CDC14A: variants seen among roughly 807,000 people sequenced by gnomAD.
The protein encoded by CDC14A is cell division cycle 14A.
A neutral mutation model predicts 74.4 loss-of-function variants in CDC14A; 53 were observed. The ratio of observed to expected loss-of-function variants is 0.71; its 90% CI spans 0.57 to 0.89. The LOEUF is 0.89. CDC14A is among the 40% of genes least tolerant of loss of function. The pLI is 0.00. For synonymous variants in CDC14A, 247 were observed against 258.4 expected (o/e 0.96, Z 0.43); for missense variants, 646 against 713.7 (o/e 0.91, Z 1.08).
intron 4 of CDC14A, among the ~76,000 whole-genome samples, chr1:100,396,242 C>CT (rs1658458858): frequency 6.6e-6 from 1 of 152,112 alleles, no homozygotes; most frequent in African/African-American, 2.4e-5. Flanking sequence ...AGTCTAGGGC[C>CT]TAGGGGGTGG....
chr1:100,456,978 T>C (rs1043010830), intron 8 of CDC14A, among the ~76,000 whole-genome samples: 1 of 152,216 alleles, frequency 6.6e-6, no homozygotes, highest in Non-Finnish European at 1.5e-5. Context: ...GAATTACATG[T>C]TGAGAGCCTG....
Position 100,427,107 on chromosome 1 carries a change from A to G in CDC14A, c.389+2806A>G, listed in dbSNP as rs577909888. 1.8e-4 allele frequency among the ~76,000 whole-genome samples: 27 copies of G among 152,268 alleles called. No homozygotes were observed. The East Asian group carries it at 2.5e-3, about 14-fold the overall frequency. On this transcript the variant is annotated intron_variant, in intron 5 of 15. Coordinates refer to ENST00000336454, the MANE Select transcript of CDC14A (RefSeq NM_003672.4). ...AGCCATCATTGCGTTGGCCTTCATT[A>G]TAATCTGGGTTTTATTATCACCAGG...
At chr1:100,380,762 T>C (rs1165705682) in intron 3 of CDC14A, among the ~76,000 whole-genome samples, 1 of 152,228 alleles carries the variant, frequency 6.6e-6, no homozygotes, top group Non-Finnish European at 1.5e-5. Context: ...GATGATTTCA[T>C]GCACTAATTT....
chr1:100,417,150 C>T (rs1169989216), intron 4 of CDC14A, among the ~76,000 whole-genome samples: 1 of 152,164 alleles, frequency 6.6e-6, no homozygotes, highest in African/African-American at 2.4e-5. Context: ...AAGGCAGGGG[C>T]CTGATCTTAT....
chr1:100,512,477 A>C (rs977225984), intron 15 of CDC14A, among the ~76,000 whole-genome samples: 26 of 152,086 alleles, frequency 1.7e-4, no homozygotes, highest in African/African-American at 6.0e-4. Context: ...TTTTCTAGAA[A>C]TGTGGCTTTA....
chr1:100,518,137 A>G, intron 15 of CDC14A, 114 bp from the exon 16 acceptor site: 1 of 701,074 alleles, frequency 1.4e-6, no homozygotes, highest in Non-Finnish European at 2.5e-6. Context: ...GTTTTGGCTT[A>G]GTTTATTTCA....
intron 3 of CDC14A, among the ~76,000 whole-genome samples, chr1:100,388,646 G>T (rs1256340266): frequency 6.6e-6 from 1 of 152,042 alleles, no homozygotes; most frequent in Non-Finnish European, 1.5e-5. Context: ...TTGTTCTGTT[G>T]CCCAGGCTGT....
At chr1:100,416,149 T>A (rs1449443737) in intron 4 of CDC14A, among the ~76,000 whole-genome samples, 1 of 152,204 alleles carries the variant, frequency 6.6e-6, no homozygotes, top group Non-Finnish European at 1.5e-5. Context: ...TGCCTTGCAG[T>A]GCATTTTTAT....
intron 4 of CDC14A, among the ~76,000 whole-genome samples, chr1:100,398,163 A>G (rs2101006410): frequency 1.3e-5 from 2 of 152,304 alleles, no homozygotes; most frequent in Middle Eastern, 6.8e-3. Context: ...GGTCATTTAT[A>G]TAAAGGTGTC....
chr1:100,349,859 C>A (rs1281484650), upstream of CDC14A, among the ~76,000 whole-genome samples: 1 of 151,972 alleles, frequency 6.6e-6, no homozygotes, highest in African/African-American at 2.4e-5. Context: ...CTTTCTCTGT[C>A]GCCCAGGCTG....
chr1:100,493,532 T>G (rs984355934), intron 11 of CDC14A, among the ~76,000 whole-genome samples: 1 of 152,250 alleles, frequency 6.6e-6, no homozygotes, highest in Non-Finnish European at 1.5e-5. Flanking sequence ...TAGAACTGAA[T>G]GGTAAAACTG....
chr1:100,369,157 A>G (rs564974760), intron 2 of CDC14A, among the ~76,000 whole-genome samples: 2 of 151,034 alleles, frequency 1.3e-5, no homozygotes, highest in African/African-American at 4.9e-5. Flanking sequence ...GCTCACTGCA[A>G]CCTCCGCCTC....
chr1:100,477,361 G>A (rs571877916), intron 10 of CDC14A, among the ~76,000 whole-genome samples: 1 of 151,588 alleles, frequency 6.6e-6, no homozygotes, highest in South Asian at 2.1e-4. Flanking sequence ...CTAATTTGGA[G>A]TATTTAATTC....
chr1:100,444,383 T>A (rs750925308), intron 7 of CDC14A, among the ~76,000 whole-genome samples: 3 of 152,124 alleles, frequency 2.0e-5, no homozygotes, highest in African/African-American at 7.2e-5. Context: ...TAAAATAGAG[T>A]TCTCATCTTG....
chr1:100,389,185 A>T (rs1341435667), intron 3 of CDC14A, among the ~76,000 whole-genome samples: 1 of 150,228 alleles, frequency 6.7e-6, no homozygotes, highest in Non-Finnish European at 1.5e-5. Flanking sequence ...TGTCTCAAAA[A>T]AAAAAAAAAA....
chr1:100,511,384 C>T (rs916392926), intron 15 of CDC14A, among the ~76,000 whole-genome samples: 6 of 152,182 alleles, frequency 3.9e-5, no homozygotes, highest in Admixed American at 2.0e-4. Flanking sequence ...AAGTCTCTCC[C>T]GCAGATTACT....
At chr1:100,431,877 A>G (rs576654472) in intron 5 of CDC14A, among the ~76,000 whole-genome samples, 1 of 151,928 alleles carries the variant, frequency 6.6e-6, no homozygotes, top group Non-Finnish European at 1.5e-5. Flanking sequence ...TTACTGGTTA[A>G]ATGGGTGTCA....
intron 11 of CDC14A, among the ~76,000 whole-genome samples, chr1:100,489,815 C>G (rs1291547915): frequency 2.0e-5 from 3 of 152,090 alleles, no homozygotes; most frequent in Non-Finnish European, 4.4e-5. Flanking sequence ...TTGTTGCCAG[C>G]ATCAGCCAAG....
chr1:100,397,765 AGTCT>A (rs1217306808), intron 4 of CDC14A, among the ~76,000 whole-genome samples: 1 of 152,214 alleles, frequency 6.6e-6, no homozygotes, highest in African/African-American at 2.4e-5. Flanking sequence ...CCACTTGTTA[AGTCT>A]TTGCATTGCT....
Sources: gnomAD v4.1 joint callset for allele counts (sites outside exome capture counted in the v4.1 genomes callset) on GRCh38, gnomAD v4.1.1 for gene constraint, MANE v1.5 for transcripts, NCBI Gene and HGNC (gene_info 2026-07-23, HGNC 2026-07-21) for gene names.